Variants in TMEFF2 observed in about 807,000 individuals in gnomAD.
TMEFF2 encodes tomoregulin-2.
A neutral mutation model predicts 53.8 loss-of-function variants in TMEFF2; 28 were observed. The observed-to-expected ratio is 0.52, with a 90% confidence interval of 0.39 to 0.71. TMEFF2 has a LOEUF of 0.71. TMEFF2 is among the 30% of genes least tolerant of loss of function. The probability of loss-of-function intolerance (pLI) is 0.00; values close to 1 mark genes in which losing one functional copy is unlikely to be tolerated. For missense variants in TMEFF2, 353 were observed against 455.2 expected, an observed-to-expected ratio of 0.78 and a Z score of 2.04; for synonymous variants, 162 against 166.3, an observed-to-expected ratio of 0.97 and a Z score of 0.20.
At chr2:192,145,641 GAGA>G (rs1443492974) in intron 4 of TMEFF2, among the ~76,000 whole-genome samples, 5 of 151,936 alleles carry the variant, frequency 3.3e-5, no homozygotes, top group African/African-American at 1.2e-4. Context: ...ATTTCTGTGT[GAGA>G]AGAACAGAGT....
intron 7 of TMEFF2, chr2:191,992,851 G>A (rs534382177): frequency 2.6e-5 from 4 of 152,064 alleles, no homozygotes; most frequent in South Asian, 2.1e-4. Context: ...CTCACAAAAC[G>A]TAACATCATG....
chr2:192,179,659 A>C lies in TMEFF2; in HGVS notation c.439+9T>G. 3 of 1,554,630 alleles carry C rather than the reference A, an allele frequency of 1.9e-6. No individual in the cohort carries two copies. The highest frequency in any genetic ancestry group is 2.6e-6 in the Non-Finnish European group (3 of 1,154,000). ...TAAATCTTCAAATATGTAAAAAGGC[A>C]ACTCCTACCTCCATCTCCAGATCCT... is the stretch of plus-strand genomic sequence containing the variant. On this transcript the variant is annotated intron_variant, in intron 4 of 9. Coordinates refer to ENST00000272771, the MANE Select transcript of TMEFF2 (RefSeq NM_016192.4).
chr2:191,977,825 A>G (rs1318818755), intron 7 of TMEFF2, among the ~76,000 whole-genome samples: 1 of 152,226 alleles, frequency 6.6e-6, no homozygotes, highest in Non-Finnish European at 1.5e-5. Context: ...GATAATATCC[A>G]TATTCCTCTT....
chr2:192,065,405 G>T (rs986053441), intron 4 of TMEFF2, among the ~76,000 whole-genome samples: 1 of 151,714 alleles, frequency 6.6e-6, no homozygotes, highest in African/African-American at 2.4e-5. Context: ...AAACTAACAG[G>T]TTATGTTAAC....
intron 5 of TMEFF2, among the ~76,000 whole-genome samples, chr2:192,045,125 G>T (rs2105889792): frequency 6.6e-6 from 1 of 152,300 alleles, no homozygotes; most frequent in Admixed American, 6.5e-5. Context: ...AAAAGACTCA[G>T]GCCTGATTTA....
intron 1 of TMEFF2, among the ~76,000 whole-genome samples, chr2:192,192,614 C>T (rs1298505829): frequency 6.6e-6 from 1 of 152,130 alleles, no homozygotes; most frequent in Non-Finnish European, 1.5e-5. Flanking sequence ...TCTGCAAAAC[C>T]AGTTTATTCT....
At chr2:192,124,416 A>G (rs1256312737) in intron 4 of TMEFF2, among the ~76,000 whole-genome samples, 2 of 152,218 alleles carry the variant, frequency 1.3e-5, no homozygotes, top group Non-Finnish European at 2.9e-5. Context: ...TTTTCCCTAC[A>G]GAAGACATTC....
chr2:191,979,593 G>A (rs1403909615), intron 7 of TMEFF2, among the ~76,000 whole-genome samples: 1 of 152,138 alleles, frequency 6.6e-6, no homozygotes, highest in Non-Finnish European at 1.5e-5. Flanking sequence ...ATATGTAGAT[G>A]TAGCTATATG....
intron 4 of TMEFF2, among the ~76,000 whole-genome samples, chr2:192,070,776 T>C (rs1229199194): frequency 6.6e-6 from 1 of 151,936 alleles, no homozygotes; most frequent in South Asian, 2.1e-4. Flanking sequence ...CATGTCCAGA[T>C]GGTTAAACCG....
chr2:192,032,203 G>A (rs190878614), intron 5 of TMEFF2, among the ~76,000 whole-genome samples: 20 of 152,258 alleles, frequency 1.3e-4, no homozygotes, highest in Non-Finnish European at 2.5e-4. Flanking sequence ...AAGGTCAGAT[G>A]TGCCATCTTT....
In TMEFF2 at chr2:191,991,664, T is replaced by C. The variant is rs963635596; in HGVS notation, c.745+6598A>G. On this transcript the variant is annotated intron_variant, in intron 7 of 9. Transcript: ENST00000272771. ...CGCTAAACCAGCTGCTGCACACTTATGGCAGAGAAGAGTAGATAAGTAACA... is the reference window on the plus strand; with the variant it reads ...CGCTAAACCAGCTGCTGCACACTTACGGCAGAGAAGAGTAGATAAGTAACA... 4.1e-4 allele frequency among the ~76,000 whole-genome samples: 63 copies of C among 152,182 alleles called. 1 individual carries two copies. The highest frequency in any genetic ancestry group is 5.9e-5 in the Non-Finnish European group (4 of 67,984).
chr2:192,021,775 A>G (rs1686865579), intron 5 of TMEFF2: 1 of 152,296 alleles, frequency 6.6e-6, no homozygotes, highest in Non-Finnish European at 1.5e-5. Flanking sequence ...GGTGTGGGAA[A>G]TCTAAGGAAT....
intron 4 of TMEFF2, among the ~76,000 whole-genome samples, chr2:192,132,182 T>C (rs1455616953): frequency 2.6e-5 from 4 of 152,076 alleles, no homozygotes; most frequent in African/African-American, 7.2e-5. Context: ...TCACCTCCCC[T>C]CCTCACACCT....
chr2:192,032,981 C>T (rs780076440), intron 5 of TMEFF2, among the ~76,000 whole-genome samples: 1 of 152,044 alleles, frequency 6.6e-6, no homozygotes, highest in Non-Finnish European at 1.5e-5. Context: ...TATTTAATAC[C>T]TACACTAGTA....
intron 4 of TMEFF2, among the ~76,000 whole-genome samples, chr2:192,102,626 C>CTTTTTTTTTTT (rs10635775): frequency 3.7e-4 from 41 of 109,820 alleles, no homozygotes; most frequent in East Asian, 5.5e-4. Context: ...TTTTCTTGTT[C>CTTTTTTTTTTT]TTTTTTTTTT....
At chr2:192,011,665 A>C (rs1053698781) in intron 5 of TMEFF2, among the ~76,000 whole-genome samples, 1 of 152,224 alleles carries the variant, frequency 6.6e-6, no homozygotes, top group Non-Finnish European at 1.5e-5. Context: ...TTATGAAACC[A>C]ACAAGCTATT....
chr2:192,024,294 A>G (rs1160220063), intron 5 of TMEFF2, among the ~76,000 whole-genome samples: 1 of 152,190 alleles, frequency 6.6e-6, no homozygotes, highest in Non-Finnish European at 1.5e-5. Context: ...ATAAAATTGT[A>G]TATTGTAAAA....
intron 4 of TMEFF2, among the ~76,000 whole-genome samples, chr2:192,073,156 A>C (rs919387932): frequency 3.3e-5 from 5 of 151,988 alleles, no homozygotes; most frequent in African/African-American, 1.2e-4. Context: ...GGTTTGTGCA[A>C]ATAAATGAAA....
chr2:192,066,629 G>C (rs1038701012), intron 4 of TMEFF2, among the ~76,000 whole-genome samples: 9 of 151,730 alleles, frequency 5.9e-5, no homozygotes, highest in African/African-American at 2.2e-4. Context: ...TTAATACAAA[G>C]CTACTATGTT....
Sources: gnomAD v4.1 joint callset for allele counts (sites outside exome capture counted in the v4.1 genomes callset) on GRCh38, gnomAD v4.1.1 for gene constraint, MANE v1.5 for transcripts, NCBI Gene and HGNC (gene_info 2026-07-23, HGNC 2026-07-21) for gene names.